TM4SF4: variants seen among roughly 807,000 people sequenced by gnomAD.
The protein encoded by TM4SF4 is transmembrane 4 L six family member 4, also known as transmembrane 4 L6 family member 4.
Under a neutral mutation model 24.1 loss-of-function variants are expected in TM4SF4, and 24 were observed. That is an observed-to-expected ratio of 1.00 (90% CI 0.72 to 1.40). TM4SF4 has a LOEUF of 1.40. Ranked by LOEUF, TM4SF4 falls within the 40% of genes most tolerant of loss-of-function variation. TM4SF4 has a pLI of 0.00. For missense variants in TM4SF4, 254 were observed against 254.2 expected (o/e 1.00, Z 0.01); for synonymous variants, 113 against 97.0 (o/e 1.17, Z -0.97).
chr3:149,479,194 G>A (rs944041449), intron 2 of TM4SF4, among the ~76,000 whole-genome samples: 8 of 151,930 alleles, frequency 5.3e-5, no homozygotes, highest in Non-Finnish European at 7.4e-5. Context: ...CCCTTCACTG[G>A]GCCTGGCTGA....
At chr3:149,485,163 A>G (rs1734094158) in intron 2 of TM4SF4, among the ~76,000 whole-genome samples, 1 of 152,236 alleles carries the variant, frequency 6.6e-6, no homozygotes, top group Non-Finnish European at 1.5e-5. Flanking sequence ...TTTTCCTTAT[A>G]TTCCAGCATA....
At chr3:149,476,814 G>GTTTTTTTTTTTTTTTTTT (rs67092416) in intron 2 of TM4SF4, among the ~76,000 whole-genome samples, 1 of 81,212 alleles carries the variant, frequency 1.2e-5, no homozygotes, top group African/African-American at 4.8e-5. Context: ...TTTTGTTTTT[G>GTTTTTTTTTTTTTTTTTT]TTTTTTTTTT....
chr3:149,502,603 T>TG (rs750168521), intron 4 of TM4SF4, 73 bp from the exon 5 acceptor site: 13 of 987,440 alleles, frequency 1.3e-5, no homozygotes, highest in Non-Finnish European at 2.1e-5. Flanking sequence ...GTGATGGGGA[T>TG]GGGAAGGAGG....
At chr3:149,480,200 TG>T (rs5853408) in intron 2 of TM4SF4, among the ~76,000 whole-genome samples, 54,042 of 151,984 alleles carry the variant, frequency 0.36, 10,151 homozygotes, top group Non-Finnish European at 0.42. Context: ...AGATTCCCAG[TG>T]GCTTCTTGGC....
At chr3:149,486,732 G>A (rs973949893) in intron 2 of TM4SF4, among the ~76,000 whole-genome samples, 3 of 152,188 alleles carry the variant, frequency 2.0e-5, no homozygotes, top group Non-Finnish European at 4.4e-5. Context: ...AAGAGAAAAT[G>A]CTCCGAGGGT....
At chr3:149,493,103 ATACT>A (rs1215305360) in intron 3 of TM4SF4, among the ~76,000 whole-genome samples, 1 of 152,206 alleles carries the variant, frequency 6.6e-6, no homozygotes, top group Non-Finnish European at 1.5e-5. Context: ...TTCCTACCAC[ATACT>A]TGCTTGATTC....
At position 149,475,060 on chromosome 3, in the gene TM4SF4, G is replaced by A. The variant is rs1315812927; in HGVS notation, c.174+9G>A. 1.3e-6 allele frequency: 2 copies of A among 1,539,662 alleles called. No homozygotes were observed. Among genetic ancestry groups the A allele is most frequent in the Non-Finnish European group, 8.8e-7 (1 of 1,132,606 alleles). On this transcript the variant is annotated intron_variant, in intron 1 of 4. Coordinates refer to ENST00000305354, the MANE Select transcript of TM4SF4 (RefSeq NM_004617.4). The stretch of plus-strand genomic sequence containing the variant: ...TAGGAAGCGGTGTCTTGGTGAGTAG[G>A]GAAGCTTAAAATCCCCCTAAGGGAG...
intron 3 of TM4SF4, among the ~76,000 whole-genome samples, chr3:149,498,307 C>T (rs1734350564): frequency 6.6e-6 from 1 of 152,174 alleles, no homozygotes; most frequent in South Asian, 2.1e-4. Flanking sequence ...TTGTGAAATT[C>T]TACTGCTGGA....
chr3:149,475,380 T>A (rs1733910082), intron 1 of TM4SF4, among the ~76,000 whole-genome samples: 1 of 152,118 alleles, frequency 6.6e-6, no homozygotes, highest in African/African-American at 2.4e-5. Context: ...AAACCCACGA[T>A]GCAAACCCAC....
At chr3:149,490,488 A>G (rs1436687853) in intron 3 of TM4SF4, among the ~76,000 whole-genome samples, 1 of 152,230 alleles carries the variant, frequency 6.6e-6, no homozygotes, top group African/African-American at 2.4e-5. Context: ...CAAGGCCCAG[A>G]GAGGACAAGT....
intron 3 of TM4SF4, among the ~76,000 whole-genome samples, chr3:149,497,628 C>T (rs1408904833): frequency 1.3e-5 from 2 of 152,214 alleles, no homozygotes; most frequent in African/African-American, 4.8e-5. Flanking sequence ...CACATTTATC[C>T]TTCAAGGCAC....
intron 2 of TM4SF4, among the ~76,000 whole-genome samples, chr3:149,481,597 G>A (rs1009588737): frequency 1.1e-4 from 16 of 152,112 alleles, no homozygotes; most frequent in Non-Finnish European, 8.8e-5. Context: ...CCTTACTAAG[G>A]AGGAATGTCC....
intron 2 of TM4SF4, among the ~76,000 whole-genome samples, chr3:149,476,503 C>T (rs1225045184): frequency 6.6e-6 from 1 of 152,108 alleles, no homozygotes; most frequent in Non-Finnish European, 1.5e-5. Context: ...CATCAAAGTT[C>T]CAGAGTGCAG....
chr3:149,476,528 G>C (rs1219712611), intron 2 of TM4SF4, among the ~76,000 whole-genome samples: 1 of 152,152 alleles, frequency 6.6e-6, no homozygotes, highest in African/African-American at 2.4e-5. Flanking sequence ...AAGAATGCTG[G>C]GACATGGGGA....
intron 4 of TM4SF4, among the ~76,000 whole-genome samples, chr3:149,501,035 A>G (rs1734411675): frequency 6.7e-6 from 1 of 150,314 alleles, no homozygotes; most frequent in Non-Finnish European, 1.5e-5. Flanking sequence ...AAAAAAAAAA[A>G]AAGAGAGAGA....
At chr3:149,495,217 A>G (rs1303186940) in intron 3 of TM4SF4, 2 of 195,278 alleles carry the variant, frequency 1.0e-5, no homozygotes, top group African/African-American at 2.4e-5. Flanking sequence ...AGCTGTACCA[A>G]TTTCCAGTTG....
At chr3:149,491,295 C>CAAAAAAA (rs34935957) in intron 3 of TM4SF4, among the ~76,000 whole-genome samples, 11 of 125,716 alleles carry the variant, frequency 8.7e-5, no homozygotes, top group African/African-American at 2.2e-4. Flanking sequence ...CGCCCCTCTA[C>CAAAAAAA]AAAAAAAAAA....
chr3:149,488,912 C>A (rs928395502), intron 3 of TM4SF4, among the ~76,000 whole-genome samples: 1 of 152,170 alleles, frequency 6.6e-6, no homozygotes, highest in Non-Finnish European at 1.5e-5. Context: ...ACTCAAACCT[C>A]TACGTATTCA....
At chr3:149,476,115 T>A (rs1733924941) in intron 2 of TM4SF4, among the ~76,000 whole-genome samples, 1 of 152,176 alleles carries the variant, frequency 6.6e-6, no homozygotes, top group Non-Finnish European at 1.5e-5. Flanking sequence ...ACTTATAGGG[T>A]ATGAATATTG....
Sources: gnomAD v4.1 joint callset for allele counts (sites outside exome capture counted in the v4.1 genomes callset) on GRCh38, gnomAD v4.1.1 for gene constraint, MANE v1.5 for transcripts, NCBI Gene and HGNC (gene_info 2026-07-23, HGNC 2026-07-21) for gene names.